The following PDE4D variants were observed in gnomAD, a reference collection of about 807,000 sequenced individuals.
The protein encoded by PDE4D is 3',5'-cyclic-AMP phosphodiesterase 4D.
In PDE4D, 24 loss-of-function variants were observed where a neutral mutation model predicts 87.4. The observed-to-expected ratio is 0.27, with a 90% CI of 0.20 to 0.39. PDE4D has a LOEUF of 0.39. PDE4D is among the 10% of genes least tolerant of loss of function. PDE4D has a pLI of 1.00. For synonymous variants in PDE4D, 384 were observed against 383.2 expected, an observed-to-expected ratio of 1.00 and a Z score of -0.02; for missense variants, 714 against 1,041.0, an observed-to-expected ratio of 0.69 and a Z score of 4.32.
intron 2 of PDE4D, among the ~76,000 whole-genome samples, chr5:60,125,257 G>T (rs1198813542): frequency 6.6e-6 from 1 of 151,928 alleles, no homozygotes; most frequent in Non-Finnish European, 1.5e-5. Flanking sequence ...ATCTCTATTT[G>T]CACAGTTTCT....
intron 5 of PDE4D, chr5:59,174,318 T>TA (rs58162511): frequency 0.61 from 92,123 of 152,030 alleles, 28,382 homozygotes; most frequent in Non-Finnish European, 0.68. Context: ...ATCTTCAGGG[T>TA]AAAAAAATAC....
chr5:59,000,343 C>T (rs7710479), intron 6 of PDE4D, among the ~76,000 whole-genome samples: 3,285 of 152,256 alleles, frequency 0.022, 130 homozygotes, highest in African/African-American at 0.075. Flanking sequence ...AATTGCTTCC[C>T]TCTCTCAAAT....
rs113490869 is a variant in PDE4D, at chr5:60,206,645, G to A, written c.-89-20958C>T. On this transcript the variant is annotated intron_variant, in intron 1 of 16. Coordinates refer to the PDE4D transcript ENST00000502484. ...CTGAAAATATGTGTGCTCATAAAAT[G>A]CATAAAACTAATATCAGATTGGAAG... Among the ~76,000 whole-genome samples, 677 of 152,278 alleles carry A rather than the reference G, an allele frequency of 4.4e-3. 6 individuals are homozygous for A. The highest frequency in any genetic ancestry group is 0.016 in the African/African-American group (651 of 41,548).
At chr5:59,022,494 A>G (rs1755378472) in intron 6 of PDE4D, among the ~76,000 whole-genome samples, 2 of 152,206 alleles carry the variant, frequency 1.3e-5, no homozygotes, top group South Asian at 4.1e-4. Flanking sequence ...GGCTAATTTT[A>G]AAATCATGAA....
intron 2 of PDE4D, among the ~76,000 whole-genome samples, chr5:60,088,857 T>C (rs1774810482): frequency 6.6e-6 from 1 of 152,044 alleles, no homozygotes; most frequent in Admixed American, 6.5e-5. Context: ...ATTATATTCT[T>C]CAGTTAAAAG....
At position 60,473,117 on chromosome 5, in the gene PDE4D, GAGAAAGAAAGGAAGGA is replaced by G. The variant is rs1469928740; in HGVS notation, c.-90+14809_-90+14824del. ...TGAAAGAAAGAAAGAAAGAGAGAGA[GAGAAAGAAAGGAAGGA>G]AGGAAGGAAGGAAGGAAGGAAGGAA... On this transcript the variant is annotated intron_variant, in intron 1 of 16. Transcript: ENST00000502484. Among the ~76,000 whole-genome samples the G allele has an allele frequency of 2.3e-4, 19 of 81,046 alleles. 1 individual carries two copies. The highest frequency in any genetic ancestry group is 1.2e-3 in the African/African-American group (18 of 14,886). The allele number at this position is 81,046 out of a possible 152,430, so 53.2% of individuals were successfully genotyped here. A position where few individuals can be genotyped will look rare whatever the true frequency, so the allele number is the denominator to read the frequency against.
At chr5:59,244,727 G>T (rs1416639477) in intron 1 of PDE4D, among the ~76,000 whole-genome samples, 2 of 114,850 alleles carry the variant, frequency 1.7e-5, no homozygotes, top group African/African-American at 3.1e-5. Flanking sequence ...TGTGTGTATA[G>T]AGAGACCGAC....
Position 60,185,557 on chromosome 5 carries a change from A to G in PDE4D, c.42T>C (p.Ser14=), listed in dbSNP as rs1292512441. ...ATAGATGAAAACAAAAGTTACTTAC[A>G]CTTTTGCTCCGAGAAAGCAAATCAC... is the stretch of plus-strand genomic sequence containing the variant. Residue 14 remains serine (S), a splice_region_variant and synonymous_variant, in exon 2 of 17, where the codon AGT becomes AGC. Transcript: ENST00000502484. 15 of 1,526,814 alleles carry G rather than the reference A, an allele frequency of 9.8e-6. No individual in the cohort carries two copies. The South Asian group carries it at 1.4e-4, about 15-fold the overall frequency. The allele number at this position is 1,526,814 out of a possible 1,614,324, so 94.6% of individuals were successfully genotyped here.
chr5:59,827,366 C>A (rs780193126), intron 1 of PDE4D, among the ~76,000 whole-genome samples: 4 of 152,068 alleles, frequency 2.6e-5, no homozygotes, highest in Non-Finnish European at 5.9e-5. Flanking sequence ...TATTCTGTTG[C>A]AGTAGCCTGC....
At chr5:59,182,075 G>T (rs1210710888) in intron 4 of PDE4D, among the ~76,000 whole-genome samples, 1 of 151,906 alleles carries the variant, frequency 6.6e-6, no homozygotes, top group Non-Finnish European at 1.5e-5. Flanking sequence ...TTTTGTGTTT[G>T]ATTGAAAATG....
At chr5:59,001,977 T>TACGG (rs1441479370) in intron 6 of PDE4D, 2 of 492,858 alleles carry the variant, frequency 4.1e-6, no homozygotes, top group Non-Finnish European at 8.1e-6. Context: ...TGTTCCCCTA[T>TACGG]ACGGCATCAC....
intron 1 of PDE4D, among the ~76,000 whole-genome samples, chr5:60,324,454 C>T (rs6897671): frequency 0.41 from 62,575 of 152,002 alleles, 15,134 homozygotes; most frequent in African/African-American, 0.68. Context: ...CTGTCAATCC[C>T]AACTCAAAGA....
chr5:59,451,511 G>A (rs750001798), intron 1 of PDE4D, among the ~76,000 whole-genome samples: 34 of 152,126 alleles, frequency 2.2e-4, no homozygotes, highest in Admixed American at 1.6e-3. Context: ...GTTCAACCAT[G>A]GAACTCTTCC....
intron 1 of PDE4D, among the ~76,000 whole-genome samples, chr5:60,398,588 G>A (rs1261831234): frequency 6.6e-6 from 1 of 152,036 alleles, no homozygotes; most frequent in African/African-American, 2.4e-5. Context: ...ACTCCCCAGT[G>A]CTAGATCTTC....
At chr5:60,171,322 G>C (rs1387903606) in intron 2 of PDE4D, among the ~76,000 whole-genome samples, 1 of 152,024 alleles carries the variant, frequency 6.6e-6, no homozygotes, top group Non-Finnish European at 1.5e-5. Context: ...TTCTGAATAT[G>C]TACGGGGAGA....
chr5:60,511,272 C>T (rs1750561070), intron 1 of PDE4D, among the ~76,000 whole-genome samples: 2 of 152,042 alleles, frequency 1.3e-5, no homozygotes, highest in South Asian at 4.2e-4. Context: ...CCCAGCCCTG[C>T]CATGGTGTTT....
At chr5:60,469,696 T>C (rs1217551834) in intron 1 of PDE4D, among the ~76,000 whole-genome samples, 4 of 152,312 alleles carry the variant, frequency 2.6e-5, no homozygotes, top group Admixed American at 2.6e-4. Flanking sequence ...TAGGGTGATA[T>C]GTGATCAGTG....
chr5:59,952,694 G>T (rs1758425037), intron 3 of PDE4D, among the ~76,000 whole-genome samples: 1 of 152,134 alleles, frequency 6.6e-6, no homozygotes, highest in South Asian at 2.1e-4. Context: ...TCTCTCTGGG[G>T]ATGCTTGCCC....
At position 60,311,639 on chromosome 5, in the gene PDE4D, T is replaced by C. The variant is rs537830775; in HGVS notation, c.-89-125952A>G. Reference sequence around the variant, plus strand: ...ACTTAAGTACATAGATCACTGATACTATAAAGCAACTCCACAATCAAGTCT... The same window carrying C: ...ACTTAAGTACATAGATCACTGATACCATAAAGCAACTCCACAATCAAGTCT... On this transcript the variant is annotated intron_variant, in intron 1 of 16. Transcript: ENST00000502484. Among the ~76,000 whole-genome samples the C allele has an allele frequency of 9.8e-5, 15 of 152,304 alleles. No homozygotes were observed. The East Asian group carries it at 2.9e-3, about 29-fold the overall frequency.
Sources: gnomAD v4.1 joint callset for allele counts (sites outside exome capture counted in the v4.1 genomes callset) on GRCh38, gnomAD v4.1.1 for gene constraint, MANE v1.5 for transcripts, NCBI Gene and HGNC (gene_info 2026-07-23, HGNC 2026-07-21) for gene names.